The following STIM1 variants were observed in gnomAD, a reference collection of about 807,000 sequenced individuals.
The protein encoded by STIM1 is stromal interaction molecule 1.
In STIM1, 25 loss-of-function variants were observed where a neutral mutation model predicts 74.7. That is an observed-to-expected ratio of 0.33 (90% CI 0.24 to 0.47). The LOEUF (loss-of-function observed/expected upper bound fraction) is 0.47. Among genes scored for constraint, STIM1 ranks in the 20% least tolerant of loss-of-function variants. The pLI is 1.00. For missense variants in STIM1, 728 were observed against 920.8 expected (o/e 0.79, Z 2.71); for synonymous variants, 328 against 348.8 (o/e 0.94, Z 0.66).
At chr11:3,949,262 G>C (rs2093116734) in intron 1 of STIM1, among the ~76,000 whole-genome samples, 1 of 152,138 alleles carries the variant, frequency 6.6e-6, no homozygotes, top group Non-Finnish European at 1.5e-5. Flanking sequence ...TGCAGAATGG[G>C]GCAAGGATAT....
intron 5 of STIM1, among the ~76,000 whole-genome samples, chr11:4,067,119 C>T (rs2094372125): frequency 6.6e-6 from 1 of 152,214 alleles, no homozygotes; most frequent in Admixed American, 6.5e-5. Context: ...GTCATTTACA[C>T]CTACACGTTC....
At chr11:4,071,383 C>T (rs1224608599) in intron 6 of STIM1, among the ~76,000 whole-genome samples, 1 of 152,050 alleles carries the variant, frequency 6.6e-6, no homozygotes, top group Admixed American at 6.6e-5. Flanking sequence ...CTGGGTCTTG[C>T]TCTGTTGCCC....
chr11:3,918,693 A>G (rs1197641349), intron 1 of STIM1, among the ~76,000 whole-genome samples: 1 of 152,144 alleles, frequency 6.6e-6, no homozygotes, highest in East Asian at 1.9e-4. Context: ...TAATTGGCCA[A>G]CAGAGTTCCA....
chr11:3,967,609 A>C lies in STIM1; in HGVS notation c.197A>C (p.Glu66Ala). The C allele has an allele frequency of 6.2e-7, 1 of 1,614,232 alleles. No individual in the cohort carries two copies. The highest frequency in any genetic ancestry group is 1.3e-5 in the African/African-American group (1 of 75,054). Residue 66 changes from glutamate (E) to alanine (A), a missense_variant, in exon 2 of 13, where the codon GAG becomes GCG. Physicochemically the swap from Glu to Ala is moderately radical, Grantham distance 107. This residue lies in a region of STIM1 where 51 missense variants were observed against 101.1 expected (regional missense o/e 0.50). Coordinates refer to ENST00000526596, the MANE Select transcript of STIM1 (RefSeq NM_001382567.1). ...CHSEDEKLSF[E>A]AVRNIHKLMD... is the part of the protein sequence containing the mutation. ...AGTGAGGATGAGAAACTCAGCTTCG[A>C]GGCAGTCCGTAACATCCACAAACTG...
chr11:3,967,767 G>A, intron 2 of STIM1, 85 bp downstream of exon 2: 2 of 1,587,524 alleles, frequency 1.3e-6, no homozygotes, highest in Non-Finnish European at 1.7e-6. Context: ...TCTTCCCTGG[G>A]GAGAGATGTT....
chr11:3,929,020 C>T (rs891607443), intron 1 of STIM1, among the ~76,000 whole-genome samples: 3 of 152,012 alleles, frequency 2.0e-5, no homozygotes, highest in Non-Finnish European at 4.4e-5. Flanking sequence ...ATTACAGGTG[C>T]GTGCCACAAC....
At chr11:3,870,812 C>G (rs2091054779) in intron 1 of STIM1, among the ~76,000 whole-genome samples, 1 of 149,600 alleles carries the variant, frequency 6.7e-6, no homozygotes, top group Non-Finnish European at 1.5e-5. Context: ...CTCCGATTTT[C>G]TAGTGGGATA....
chr11:3,899,886 A>G (rs1450146826), intron 1 of STIM1, among the ~76,000 whole-genome samples: 1 of 151,888 alleles, frequency 6.6e-6, no homozygotes, highest in East Asian at 1.9e-4. Flanking sequence ...CATGGTGGAT[A>G]AGCTTTTTGA....
At position 4,085,378 on chromosome 11, in the gene STIM1, C is replaced by G. The variant is rs61897255; in HGVS notation, c.1567+613C>G. Reference sequence around the variant, plus strand: ...GAGAAAGAATAAAGGTCTGCACTCTCTTTTAGCTGGGAGTGAGCCCAAAGG... The same window carrying G: ...GAGAAAGAATAAAGGTCTGCACTCTGTTTTAGCTGGGAGTGAGCCCAAAGG... On this transcript the variant is annotated intron_variant, in intron 11 of 12. Coordinates refer to ENST00000526596, the MANE Select transcript of STIM1 (RefSeq NM_001382567.1). Among the ~76,000 whole-genome samples, 764 of 152,298 alleles carry G rather than the reference C, an allele frequency of 5.0e-3. 6 individuals carry two copies. The highest frequency in any genetic ancestry group is 7.5e-3 in the Non-Finnish European group (511 of 68,032).
chr11:3,859,765 C>G (rs570045229), intron 1 of STIM1, among the ~76,000 whole-genome samples: 4 of 152,296 alleles, frequency 2.6e-5, no homozygotes, highest in Non-Finnish European at 5.9e-5. Context: ...GGGTGGCTCC[C>G]GGAACTGGGC....
intron 1 of STIM1, among the ~76,000 whole-genome samples, chr11:3,905,405 G>A (rs1056995862): frequency 5.3e-5 from 8 of 151,758 alleles, no homozygotes; most frequent in African/African-American, 1.9e-4. Context: ...GGGTGGAGTG[G>A]AGACCTGAGC....
At chr11:3,856,905 C>T (rs1221671032) in intron 1 of STIM1, among the ~76,000 whole-genome samples, 1 of 152,116 alleles carries the variant, frequency 6.6e-6, no homozygotes, top group Admixed American at 6.6e-5. Flanking sequence ...TAGTCCCACC[C>T]TTCCCTTAGG....
At position 4,034,169 on chromosome 11, in the gene STIM1, C is replaced by T. The variant is rs1001575835; in HGVS notation, c.385+10182C>T. ...GCTTGAACCCAGGAGGCGGAGGTTG[C>T]AGTGAGCCAAGATTGTGCCACTGCA... On this transcript the variant is annotated intron_variant, in intron 3 of 12. Coordinates refer to ENST00000526596, the MANE Select transcript of STIM1 (RefSeq NM_001382567.1). Among the ~76,000 whole-genome samples, 5 of 151,870 alleles carry T rather than the reference C, an allele frequency of 3.3e-5. No homozygotes were observed. In the East Asian group the frequency reaches 7.8e-4, roughly 24 times the overall value.
At chr11:3,923,780 G>T (rs1043205255) in intron 1 of STIM1, among the ~76,000 whole-genome samples, 2 of 152,076 alleles carry the variant, frequency 1.3e-5, no homozygotes, top group African/African-American at 4.8e-5. Context: ...TTGATATTTG[G>T]AAGTTTAAGT....
chr11:3,958,319 G>A (rs1018170561), intron 1 of STIM1, among the ~76,000 whole-genome samples: 1 of 152,010 alleles, frequency 6.6e-6, no homozygotes, highest in South Asian at 2.1e-4. Flanking sequence ...ACCAGCCTGG[G>A]CAACATAACA....
intron 2 of STIM1, among the ~76,000 whole-genome samples, chr11:3,993,382 C>T (rs1220653858): frequency 3.3e-5 from 5 of 152,066 alleles, no homozygotes; most frequent in South Asian, 2.1e-4. Flanking sequence ...TGTGGCTGGG[C>T]GTGATGGCTC....
chr11:3,921,441 CA>C (rs1196370014), intron 1 of STIM1, among the ~76,000 whole-genome samples: 2 of 152,140 alleles, frequency 1.3e-5, no homozygotes, highest in African/African-American at 4.8e-5. Flanking sequence ...ATAATATAGT[CA>C]AAAGATACCT....
intron 1 of STIM1, among the ~76,000 whole-genome samples, chr11:3,963,263 A>G (rs1381284075): frequency 6.6e-6 from 1 of 151,980 alleles, no homozygotes; most frequent in Non-Finnish European, 1.5e-5. Context: ...GAAAGGCCCC[A>G]GTGTGTGTTG....
chr11:3,986,876 T>G (rs2093562440), intron 2 of STIM1, among the ~76,000 whole-genome samples: 1 of 152,236 alleles, frequency 6.6e-6, no homozygotes, highest in Admixed American at 6.5e-5. Context: ...GTTATCCAGT[T>G]TCTTCTAATT....
Sources: allele counts gnomAD v4.1 joint callset (sites outside exome capture counted in the v4.1 genomes callset), GRCh38; gene constraint gnomAD v4.1.1; regional missense constraint gnomAD v4.1.1; transcripts MANE v1.5; gene names NCBI Gene and HGNC (gene_info 2026-07-23, HGNC 2026-07-21).